ZNF536: variants seen among roughly 807,000 people sequenced by gnomAD.
ZNF536 encodes zinc finger protein 536.
ZNF536 carries 13 observed loss-of-function variants against 84.5 expected under a neutral mutation model. The ratio of observed to expected loss-of-function variants is 0.15; its 90% confidence interval spans 0.10 to 0.24. ZNF536 has a LOEUF of 0.24. ZNF536 is among the 10% of genes least tolerant of loss of function. The pLI is 1.00. For synonymous variants in ZNF536, 811 were observed against 742.5 expected, an observed-to-expected ratio of 1.09 and a Z score of -1.50; for missense variants, 1,536 against 1,747.5, an observed-to-expected ratio of 0.88 and a Z score of 2.16.
intron 3 of ZNF536, among the ~76,000 whole-genome samples, chr19:30,541,541 T>C (rs978989243): frequency 1.3e-5 from 2 of 152,230 alleles, no homozygotes; most frequent in South Asian, 4.1e-4. Flanking sequence ...TTTCCTGCCT[T>C]AATGACATCC....
chr19:30,445,344 G>A lies in ZNF536; in HGVS notation c.1782G>A (p.Leu594=), dbSNP rs1180161417. 6.8e-6 allele frequency: 11 copies of A among 1,614,218 alleles called. No individual in the cohort carries two copies. Among genetic ancestry groups the A allele is most frequent in the Non-Finnish European group, 8.5e-6 (10 of 1,180,050 alleles). ...HSTKVGSQRD[L]PSKLDPLESS... ...CTAAAGTGGGCAGCCAGAGAGACCTGCCAAGTAAGCTCGACCCTTTAGAAA... is the reference window on the plus strand; with the variant it reads ...CTAAAGTGGGCAGCCAGAGAGACCTACCAAGTAAGCTCGACCCTTTAGAAA... The change falls in exon 2 of 5, where the codon CTG becomes CTA. Residue 594 remains leucine (L), a synonymous_variant. Coordinates refer to ENST00000355537, the MANE Select transcript of ZNF536 (RefSeq NM_014717.3). The surrounding 1 kb of genome is among the most constrained non-coding windows in gnomAD (Gnocchi z 4.5).
chr19:30,472,859 G>A (rs746016553), intron 2 of ZNF536, among the ~76,000 whole-genome samples: 33 of 151,964 alleles, frequency 2.2e-4, no homozygotes, highest in Non-Finnish European at 4.4e-4. Flanking sequence ...GCCTTGGACC[G>A]ATCTGATTCT....
chr19:30,271,349 TATC>T (rs2025843151), intron 1 of ZNF536, among the ~76,000 whole-genome samples: 1 of 145,492 alleles, frequency 6.9e-6, no homozygotes, highest in Non-Finnish European at 1.5e-5. Context: ...TTGAGGGACT[TATC>T]ATTTTGGCAG....
At chr19:30,359,766 C>T (rs965284673) in intron 3 of ZNF536, among the ~76,000 whole-genome samples, 13 of 152,178 alleles carry the variant, frequency 8.5e-5, no homozygotes, top group African/African-American at 2.7e-4. Context: ...TCTGCCCTCA[C>T]GTGTAGCTGA....
chr19:30,513,243 T>C (rs2055492523), intron 2 of ZNF536, among the ~76,000 whole-genome samples: 1 of 152,164 alleles, frequency 6.6e-6, no homozygotes, highest in South Asian at 2.1e-4. Flanking sequence ...AGGGTGTGGC[T>C]AGATGAGGGT....
intron 1 of ZNF536, among the ~76,000 whole-genome samples, chr19:30,664,176 T>G (rs767904309): frequency 1.7e-4 from 26 of 150,114 alleles, no homozygotes; most frequent in Non-Finnish European, 2.7e-4. Flanking sequence ...TTTCAAATAG[T>G]GCTATCTAGA....
At chr19:30,533,255 T>G (rs2044927444) in intron 2 of ZNF536, among the ~76,000 whole-genome samples, 1 of 152,184 alleles carries the variant, frequency 6.6e-6, no homozygotes, top group Admixed American at 6.5e-5. Flanking sequence ...GTGTAGTGGC[T>G]TATGCCTATA....
chr19:30,648,264 G>A (rs551905618), intron 1 of ZNF536, among the ~76,000 whole-genome samples: 8 of 152,284 alleles, frequency 5.3e-5, no homozygotes, highest in Middle Eastern at 3.4e-3. Context: ...ACCTGCGGCC[G>A]CGTGGAAGCC....
At chr19:30,699,687 T>C (rs2051815366) in intron 1 of ZNF536, among the ~76,000 whole-genome samples, 1 of 152,218 alleles carries the variant, frequency 6.6e-6, no homozygotes, top group Non-Finnish European at 1.5e-5. Flanking sequence ...TTTTTACCTC[T>C]CTCATTGCCC....
intron 1 of ZNF536, among the ~76,000 whole-genome samples, chr19:30,686,342 AT>A (rs1600264279): frequency 2.6e-5 from 4 of 152,146 alleles, no homozygotes; most frequent in African/African-American, 9.7e-5. Flanking sequence ...AAGAAAAAAA[AT>A]GACTCCCTTA....
intron 1 of ZNF536, among the ~76,000 whole-genome samples, chr19:30,652,480 A>ATG (rs919529476): frequency 1.9e-4 from 29 of 152,278 alleles, no homozygotes; most frequent in African/African-American, 6.5e-4. Flanking sequence ...TTATCGATAG[A>ATG]TGTGTCTCTG....
At chr19:30,323,823 T>C (rs1024643821) in intron 2 of ZNF536, among the ~76,000 whole-genome samples, 1 of 152,168 alleles carries the variant, frequency 6.6e-6, no homozygotes, top group African/African-American at 2.4e-5. Context: ...CATCCTACCA[T>C]TATTCTACTC....
chr19:30,429,195 G>T (rs989036090), intron 1 of ZNF536, among the ~76,000 whole-genome samples: 1 of 152,148 alleles, frequency 6.6e-6, no homozygotes, highest in Non-Finnish European at 1.5e-5. Flanking sequence ...CACCTGGGCT[G>T]GGGAGAGGAG....
intron 1 of ZNF536, among the ~76,000 whole-genome samples, chr19:30,412,272 C>G (rs888312510): frequency 1.3e-5 from 2 of 151,836 alleles, no homozygotes; most frequent in South Asian, 2.1e-4. Context: ...ACTAAGACTT[C>G]CAGGACAGAG....
intron 1 of ZNF536, among the ~76,000 whole-genome samples, chr19:30,394,828 T>C (rs2049748235): frequency 6.6e-6 from 1 of 152,096 alleles, no homozygotes; most frequent in Non-Finnish European, 1.5e-5. Flanking sequence ...GGTGACACCA[T>C]GGAGGCCTTG....
chr19:30,473,613 T>C (rs1359373072), intron 2 of ZNF536, among the ~76,000 whole-genome samples: 1 of 152,192 alleles, frequency 6.6e-6, no homozygotes, highest in Non-Finnish European at 1.5e-5. Context: ...CACACATGCC[T>C]CCAGGCCTTT....
chr19:30,704,955 A>C (rs1251824940), intron 1 of ZNF536, among the ~76,000 whole-genome samples: 1 of 140,320 alleles, frequency 7.1e-6, no homozygotes, highest in Non-Finnish European at 1.5e-5. Context: ...GCACTTGCTT[A>C]TGTTCTCTGA....
chr19:30,434,823 A>G (rs2051638215), intron 1 of ZNF536, among the ~76,000 whole-genome samples: 1 of 151,236 alleles, frequency 6.6e-6, no homozygotes. Context: ...GATGGTGGTG[A>G]TGGTGGTGAT....
chr19:30,476,679 G>A (rs76112215), intron 2 of ZNF536, among the ~76,000 whole-genome samples: 9,037 of 152,308 alleles, frequency 0.059, 397 homozygotes, highest in South Asian at 0.14. Context: ...AGGCAGGGAA[G>A]CTGCTGGGAA....
Sources: gnomAD v4.1 joint callset for allele counts (sites outside exome capture counted in the v4.1 genomes callset) on GRCh38, gnomAD v4.1.1 for gene constraint, Gnocchi (gnomAD v3.1) non-coding constraint, MANE v1.5 for transcripts, NCBI Gene and HGNC (gene_info 2026-07-23, HGNC 2026-07-21) for gene names.